Variants in ZNF568 observed in about 807,000 individuals in gnomAD.
ZNF568 encodes the protein zinc finger protein 568.
Under a neutral mutation model 18.1 loss-of-function variants are expected in ZNF568, and 11 were observed. That is an observed-to-expected ratio of 0.61 (90% CI 0.38 to 1.00). The LOEUF is 1.00. ZNF568 is among the 50% of genes least tolerant of loss of function. The pLI, the probability that ZNF568 is intolerant of heterozygous loss-of-function variation, is 0.01. For synonymous variants in ZNF568, 213 were observed against 246.6 expected (o/e 0.86, Z 1.28); for missense variants, 639 against 768.2 (o/e 0.83, Z 1.99).
At chr19:36,919,822 T>G (rs1250091897) in intron 2 of ZNF568, among the ~76,000 whole-genome samples, 1 of 152,182 alleles carries the variant, frequency 6.6e-6, no homozygotes. Flanking sequence ...GTGTTTGCAG[T>G]GATGCTGCTG....
intron 2 of ZNF568, among the ~76,000 whole-genome samples, chr19:36,918,935 T>A (rs1490238863): frequency 1.3e-5 from 2 of 152,210 alleles, no homozygotes; most frequent in Admixed American, 1.3e-4. Context: ...GTCCTCAAGA[T>A]TCATCCATGT....
chr19:36,940,205 T>C (rs918279281), intron 6 of ZNF568, among the ~76,000 whole-genome samples: 1 of 152,236 alleles, frequency 6.6e-6, no homozygotes, highest in South Asian at 2.1e-4. Context: ...AATGACAGCA[T>C]TGGAATATGT....
At chr19:36,994,807 G>A (rs1419479504) in intron 4 of ZNF568, among the ~76,000 whole-genome samples, 1 of 152,014 alleles carries the variant, frequency 6.6e-6, no homozygotes, top group Admixed American at 6.6e-5. Context: ...GAGTAGCTAG[G>A]ATTACAGGTG....
At chr19:36,991,721 C>A in intron 3 of ZNF568, 2 of 1,519,686 alleles carry the variant, frequency 1.3e-6, no homozygotes, top group Non-Finnish European at 1.8e-6. Flanking sequence ...ACACCCACAA[C>A]AAAACCTTGT....
At position 36,936,758 on chromosome 19, in the gene ZNF568, T is replaced by A. The variant is rs775809519; in HGVS notation, c.148T>A (p.Phe50Ile). 21 of 1,613,220 alleles carry A rather than the reference T, an allele frequency of 1.3e-5. No homozygotes were observed. Among genetic ancestry groups the A allele is most frequent in the African/African-American group, 1.3e-5 (1 of 74,894 alleles). ...TATGTTTTTACAGGAAACAGTGACATTTAAGGATGTGGCTGTTGACCTTAC... is the reference window on the plus strand; with the variant it reads ...TATGTTTTTACAGGAAACAGTGACAATTAAGGATGTGGCTGTTGACCTTAC... ...DTTRPLETVT[F>I]KDVAVDLTQE... The change falls in exon 5 of 7, where the codon TTT becomes ATT. Residue 50 changes from phenylalanine to isoleucine, a missense_variant. By Grantham distance (21) the Phe-to-Ile change is conservative. Coordinates refer to ENST00000333987, the MANE Select transcript of ZNF568 (RefSeq NM_198539.4).
At chr19:36,980,163 A>ATGCT (rs1221038109), downstream of ZNF568, 5 of 152,094 alleles carry the variant, frequency 3.3e-5, no homozygotes, top group Non-Finnish European at 7.3e-5. Context: ...TGTGCTGTGC[A>ATGCT]TGCTTTCTTA....
intron 6 of ZNF568, among the ~76,000 whole-genome samples, chr19:36,945,251 GTA>G (rs1491031881): frequency 6.9e-4 from 95 of 137,690 alleles, no homozygotes; most frequent in African/African-American, 2.4e-3. Context: ...GTGTGTGTGT[GTA>G]TAAAATATAT....
At chr19:36,928,715 C>T (rs1034418427) in intron 4 of ZNF568, among the ~76,000 whole-genome samples, 3 of 152,026 alleles carry the variant, frequency 2.0e-5, no homozygotes, top group Non-Finnish European at 4.4e-5. Context: ...TACCATTTTT[C>T]TCTATAAACC....
At chr19:36,982,337 T>C (rs779504681), downstream of ZNF568, among the ~76,000 whole-genome samples, 3 of 152,214 alleles carry the variant, frequency 2.0e-5, no homozygotes, top group Admixed American at 6.6e-5. Flanking sequence ...TTGCTTTTTA[T>C]TGCTAATTCG....
At chr19:36,940,599 C>T (rs1370778436) in intron 6 of ZNF568, among the ~76,000 whole-genome samples, 2 of 152,038 alleles carry the variant, frequency 1.3e-5, no homozygotes, top group South Asian at 2.1e-4. Flanking sequence ...TCAAAATAAA[C>T]GTGGAAGAAA....
rs1321074313 is a variant in ZNF568 at position 36,952,042 on chromosome 19, T to TTTTTC, written c.*958_*959insCTTTT. The TTTTTC allele has an allele frequency of 1.0e-6, 1 of 960,446 alleles. No individual in the cohort carries two copies. The highest frequency in any genetic ancestry group is 6.3e-5 in the Admixed American group (1 of 15,892). 59.5% of individuals were successfully genotyped at this position (960,446 alleles called of 1,614,324 possible). ...TATGACGTTGAGGCCAAGGAGCTTT[T>TTTTTC]TTTTTTTTTTTTTCAAGACAAAAGG... On this transcript the variant is annotated 3_prime_UTR_variant, in exon 7 of 7. Transcript: ENST00000333987.
At chr19:36,982,524 C>A (rs969168330), downstream of ZNF568, among the ~76,000 whole-genome samples, 3 of 152,030 alleles carry the variant, frequency 2.0e-5, no homozygotes, top group Non-Finnish European at 4.4e-5. Flanking sequence ...CATGGTGAAA[C>A]CCCATCTCTA....
chr19:36,922,885 AG>A (rs1414363404), intron 3 of ZNF568, 39 bp downstream of exon 3: 1 of 1,591,096 alleles, frequency 6.3e-7, no homozygotes. Flanking sequence ...TAGGAGAGAA[AG>A]GCTCTACATT....
At chr19:36,975,732 T>C (rs1306984853) in intron 7 of ZNF568, among the ~76,000 whole-genome samples, 8 of 132,290 alleles carry the variant, frequency 6.0e-5, no homozygotes, top group South Asian at 5.2e-4. Context: ...TCACTCAGGC[T>C]GGAGTGCAGT....
downstream of ZNF568, among the ~76,000 whole-genome samples, chr19:36,956,527 T>C (rs1183111337): frequency 1.3e-5 from 2 of 152,190 alleles, no homozygotes; most frequent in Non-Finnish European, 2.9e-5. Flanking sequence ...TCTCAGATTC[T>C]CTTTTCCTGG....
intron 4 of ZNF568, among the ~76,000 whole-genome samples, chr19:36,927,868 A>G (rs559578652): frequency 1.2e-3 from 61 of 52,560 alleles, no homozygotes; most frequent in East Asian, 0.011. Flanking sequence ...GTGTATATAT[A>G]TATATATATA....
At chr19:36,975,671 C>G (rs1224190939) in intron 7 of ZNF568, among the ~76,000 whole-genome samples, 4 of 127,292 alleles carry the variant, frequency 3.1e-5, no homozygotes, top group African/African-American at 1.2e-4. Context: ...CGTGAGCCAC[C>G]GCGCCAAGAC....
At chr19:36,962,632 C>T (rs8107654) in intron 6 of ZNF568, among the ~76,000 whole-genome samples, 21,459 of 152,122 alleles carry the variant, frequency 0.14, 1,512 homozygotes, top group Middle Eastern at 0.2. Context: ...TGAGCCACCA[C>T]ACCCAGCCTT....
intron 6 of ZNF568, among the ~76,000 whole-genome samples, chr19:36,963,688 G>A (rs1467034093): frequency 6.6e-6 from 1 of 152,076 alleles, no homozygotes; most frequent in Admixed American, 6.6e-5. Context: ...GCCCAAGTTG[G>A]CCGGGCACAG....
Sources: allele counts gnomAD v4.1 joint callset (sites outside exome capture counted in the v4.1 genomes callset), GRCh38; gene constraint gnomAD v4.1.1; transcripts MANE v1.5; gene names NCBI Gene and HGNC (gene_info 2026-07-23, HGNC 2026-07-21).